The following SNRNP40 variants were observed in gnomAD, a reference collection of about 807,000 sequenced individuals.
SNRNP40 encodes small nuclear ribonucleoprotein U5 subunit 40.
In SNRNP40, 21 loss-of-function variants were observed where a neutral mutation model predicts 45.8. That is an observed-to-expected ratio of 0.46 (90% CI 0.32 to 0.66). The LOEUF (loss-of-function observed/expected upper bound fraction) is 0.66. Among genes scored for constraint, SNRNP40 ranks in the 30% least tolerant of loss-of-function variants. The probability of loss-of-function intolerance (pLI) is 0.03; values close to 1 mark genes in which losing one functional copy is unlikely to be tolerated. For missense variants in SNRNP40, 344 were observed against 439.1 expected (o/e 0.78, Z 1.94); for synonymous variants, 142 against 163.8 (o/e 0.87, Z 1.01).
At chr1:31,266,234 C>T (rs903163625) in intron 8 of SNRNP40, among the ~76,000 whole-genome samples, 2 of 152,136 alleles carry the variant, frequency 1.3e-5, no homozygotes, top group Admixed American at 1.3e-4. Context: ...AGCGTTAGGG[C>T]CCCAAATAGA....
At chr1:31,295,347 A>C (rs1182583894) in intron 1 of SNRNP40, among the ~76,000 whole-genome samples, 2 of 103,992 alleles carry the variant, frequency 1.9e-5, no homozygotes, top group Admixed American at 1.9e-4. Context: ...AAAAACAAAA[A>C]AACAAAAAAA....
chr1:31,294,184 C>T (rs1191108922), intron 1 of SNRNP40, among the ~76,000 whole-genome samples: 4 of 152,184 alleles, frequency 2.6e-5, no homozygotes, highest in African/African-American at 9.6e-5. Context: ...TCTCAAACTC[C>T]TGGCCTCATG....
At chr1:31,265,508 C>T (rs1004536227) in intron 8 of SNRNP40, among the ~76,000 whole-genome samples, 4 of 152,026 alleles carry the variant, frequency 2.6e-5, no homozygotes, top group Non-Finnish European at 1.5e-5. Flanking sequence ...CAGAAACAAA[C>T]TGCTCATCAG....
chr1:31,281,006 A>G (rs1646012880), intron 5 of SNRNP40, among the ~76,000 whole-genome samples: 1 of 152,228 alleles, frequency 6.6e-6, no homozygotes. Context: ...CAAAAAGAAA[A>G]ACACAGTGAG....
intron 2 of SNRNP40, chr1:31,292,896 A>G (rs1250116354): frequency 2.3e-5 from 7 of 299,988 alleles, no homozygotes; most frequent in African/African-American, 4.5e-5. Flanking sequence ...TTCTCTCCTC[A>G]TTACTGCCAT....
intron 8 of SNRNP40, among the ~76,000 whole-genome samples, chr1:31,262,429 G>A (rs1359720601): frequency 6.7e-6 from 1 of 149,448 alleles, no homozygotes; most frequent in Non-Finnish European, 1.5e-5. Context: ...GCTGAGGCAG[G>A]AGAATTGCCT....
At chr1:31,280,036 C>A (rs1279619778) in intron 5 of SNRNP40, among the ~76,000 whole-genome samples, 2 of 145,980 alleles carry the variant, frequency 1.4e-5, no homozygotes, top group Non-Finnish European at 3.0e-5. Flanking sequence ...TGAACTGGGA[C>A]CCAGGAGGCA....
chr1:31,262,003 T>G (rs1051250294), intron 8 of SNRNP40, among the ~76,000 whole-genome samples: 3 of 152,208 alleles, frequency 2.0e-5, no homozygotes, highest in Admixed American at 2.0e-4. Context: ...CCAGGAAATC[T>G]AAAAGGTAAC....
At chr1:31,284,000 G>A (rs1410164470) in intron 4 of SNRNP40, among the ~76,000 whole-genome samples, 5 of 152,160 alleles carry the variant, frequency 3.3e-5, no homozygotes, top group African/African-American at 1.2e-4. Context: ...GAGGCCAGGA[G>A]GATGGCTTTA....
intron 3 of SNRNP40, among the ~76,000 whole-genome samples, chr1:31,291,127 A>G (rs955157049): frequency 7.2e-5 from 11 of 151,816 alleles, no homozygotes; most frequent in African/African-American, 2.7e-4. Context: ...AGTCTCTACA[A>G]AAAATACAAA....
rs1463386271 is a variant in SNRNP40 at position 31,269,041 on chromosome 1, G to T, written c.858+117C>A. 4.4e-6 allele frequency: 4 copies of T among 905,592 alleles called. No individual in the cohort carries two copies. In the African/African-American group the frequency reaches 5.1e-5, roughly 12 times the overall value. 56.1% of individuals were successfully genotyped at this position (905,592 alleles called of 1,614,324 possible). On this transcript the variant is annotated intron_variant, in intron 7 of 9. Transcript: ENST00000263694. ...TGGCAACAAGTTTTAATTAAGAGCAGTGTTATTGGAATGAAGTCCATTCTT... is the reference window on the plus strand; with the variant it reads ...TGGCAACAAGTTTTAATTAAGAGCATTGTTATTGGAATGAAGTCCATTCTT...
At chr1:31,283,973 C>T (rs1646037717) in intron 4 of SNRNP40, among the ~76,000 whole-genome samples, 1 of 152,112 alleles carries the variant, frequency 6.6e-6, no homozygotes, top group Admixed American at 6.5e-5. Context: ...CCTGTAACCC[C>T]AGCACTTTCG....
intron 5 of SNRNP40, among the ~76,000 whole-genome samples, chr1:31,278,095 A>G (rs1645988996): frequency 6.6e-6 from 1 of 152,190 alleles, no homozygotes; most frequent in South Asian, 2.1e-4. Flanking sequence ...CTTCATCCCT[A>G]ACATTTGCTG....
intron 5 of SNRNP40, among the ~76,000 whole-genome samples, chr1:31,274,783 C>T (rs564121850): frequency 1.3e-5 from 2 of 152,218 alleles, no homozygotes; most frequent in South Asian, 4.1e-4. Context: ...CCTCTGACTC[C>T]CCAATCCTAT....
chr1:31,267,554 TG>T (rs1273469134), intron 8 of SNRNP40, among the ~76,000 whole-genome samples: 2 of 152,122 alleles, frequency 1.3e-5, no homozygotes, highest in African/African-American at 4.8e-5. Flanking sequence ...TTTTTGGAGA[TG>T]GAGTCTCGCT....
chr1:31,275,306 T>A (rs570828188), intron 5 of SNRNP40, among the ~76,000 whole-genome samples: 7 of 152,320 alleles, frequency 4.6e-5, no homozygotes, highest in Admixed American at 2.0e-4. Context: ...TTTGCATGTT[T>A]AAAGAAATTT....
At chr1:31,272,703 A>G (rs1259631439) in intron 5 of SNRNP40, among the ~76,000 whole-genome samples, 1 of 152,234 alleles carries the variant, frequency 6.6e-6, no homozygotes, top group Non-Finnish European at 1.5e-5. Context: ...AGTTCCTAAA[A>G]ATAACTCAGA....
At chr1:31,288,044 T>C (rs930924140) in intron 4 of SNRNP40, among the ~76,000 whole-genome samples, 6 of 151,834 alleles carry the variant, frequency 4.0e-5, no homozygotes, top group Non-Finnish European at 4.4e-5. Flanking sequence ...GCACCTGTAA[T>C]CCCAGCTACT....
intron 3 of SNRNP40, among the ~76,000 whole-genome samples, chr1:31,289,622 C>T (rs949536408): frequency 2.0e-5 from 3 of 152,192 alleles, no homozygotes; most frequent in Non-Finnish European, 4.4e-5. Context: ...AAAAGATCTA[C>T]CCCTGTGAAG....
Sources: gnomAD v4.1 joint callset for allele counts (sites outside exome capture counted in the v4.1 genomes callset) on GRCh38, gnomAD v4.1.1 for gene constraint, MANE v1.5 for transcripts, NCBI Gene and HGNC (gene_info 2026-07-23, HGNC 2026-07-21) for gene names.